NUP153: variants seen among roughly 807,000 people sequenced by gnomAD.
NUP153 encodes nuclear pore complex protein Nup153.
NUP153 carries 27 observed loss-of-function variants against 134.6 expected under a neutral mutation model. The observed-to-expected ratio is 0.20, with a 90% CI of 0.15 to 0.28. The LOEUF (loss-of-function observed/expected upper bound fraction) is 0.28. NUP153 is among the 10% of genes least tolerant of loss of function. NUP153 has a pLI of 1.00. For synonymous variants in NUP153, 640 were observed against 623.5 expected, an observed-to-expected ratio of 1.03 and a Z score of -0.40; for missense variants, 1,821 against 1,731.3, an observed-to-expected ratio of 1.05 and a Z score of -0.92.
intron 11 of NUP153, among the ~76,000 whole-genome samples, chr6:17,659,592 C>T (rs1767056885): frequency 6.6e-6 from 1 of 152,154 alleles, no homozygotes; most frequent in African/African-American, 2.4e-5. Context: ...CCTGCCTCAG[C>T]CTCCCGAGTA....
At chr6:17,656,484 C>G (rs1310771763) in intron 11 of NUP153, among the ~76,000 whole-genome samples, 1 of 152,076 alleles carries the variant, frequency 6.6e-6, no homozygotes, top group Non-Finnish European at 1.5e-5. Flanking sequence ...GGGTGATCCT[C>G]CCACTTCAGC....
intron 1 of NUP153, among the ~76,000 whole-genome samples, chr6:17,704,136 C>CA (rs1770306782): frequency 6.6e-6 from 1 of 152,072 alleles, no homozygotes; most frequent in Admixed American, 6.6e-5. Context: ...ACTAAAAATA[C>CA]AAAAAATTAG....
intron 10 of NUP153, 34 bp downstream of exon 10, chr6:17,661,984 T>G: frequency 6.8e-7 from 1 of 1,464,388 alleles, no homozygotes; most frequent in Non-Finnish European, 9.5e-7. Context: ...AAGTTAAATA[T>G]AAAGAAGTAT....
At chr6:17,695,761 A>G (rs1318963468) in intron 1 of NUP153, among the ~76,000 whole-genome samples, 2 of 152,016 alleles carry the variant, frequency 1.3e-5, no homozygotes, top group Non-Finnish European at 2.9e-5. Context: ...TGTAATCCCA[A>G]CACTTTAGGA....
At chr6:17,666,412 G>A (rs146794318) in intron 8 of NUP153, among the ~76,000 whole-genome samples, 1 of 152,120 alleles carries the variant, frequency 6.6e-6, no homozygotes, top group African/African-American at 2.4e-5. Context: ...CTATTCAGGA[G>A]GCTGAGGCAG....
At chr6:17,627,381 GTTAATT>G (rs1764997233) in intron 18 of NUP153, among the ~76,000 whole-genome samples, 1 of 152,120 alleles carries the variant, frequency 6.6e-6, no homozygotes, top group African/African-American at 2.4e-5. Flanking sequence ...CTTTTTAAAG[GTTAATT>G]TTGAGTGTTT....
At chr6:17,626,191 C>T (rs147136905) in intron 18 of NUP153, 27 bp from the exon 19 acceptor site, 94 of 1,551,268 alleles carry the variant, frequency 6.1e-5, no homozygotes, top group Admixed American at 4.5e-4. Flanking sequence ...AAGAAACAAA[C>T]ATAAATCCTT....
intron 5 of NUP153, among the ~76,000 whole-genome samples, chr6:17,669,996 G>A (rs1166500468): frequency 6.6e-6 from 1 of 150,516 alleles, no homozygotes; most frequent in East Asian, 2.0e-4. Context: ...TCGAGAGGCT[G>A]AGGCAGGAGA....
Position 17,637,230 on chromosome 6 carries a change from G to C in NUP153, c.2387C>G (p.Ser796Cys). 6.2e-7 allele frequency: 1 copy of C among 1,614,106 alleles called. No individual in the cohort carries two copies. The highest frequency in any genetic ancestry group is 8.5e-7 in the Non-Finnish European group (1 of 1,179,988). ...FGDKFKRPIGSWECSVCCVSN... is the reference protein window; with the variant it reads ...FGDKFKRPIGCWECSVCCVSN... The stretch of plus-strand genomic sequence containing the variant: ...AACACAGCATACTGAACACTCCCAA[G>C]ATCCAATGGGCCTTTTGAATTTATC... Residue 796 changes from serine (S) to cysteine (C), a missense_variant, in exon 16 of 22, where the codon TCT becomes TGT. Physicochemically the swap from Ser to Cys is moderately radical, Grantham distance 112. Coordinates refer to ENST00000262077, the MANE Select transcript of NUP153 (RefSeq NM_005124.4).
At chr6:17,670,807 T>G (rs1021756622) in intron 5 of NUP153, among the ~76,000 whole-genome samples, 1 of 151,960 alleles carries the variant, frequency 6.6e-6, no homozygotes, top group Non-Finnish European at 1.5e-5. Flanking sequence ...ATCCCATTAA[T>G]TTTTTATTTT....
At chr6:17,652,746 G>T (rs1766575153) in intron 11 of NUP153, among the ~76,000 whole-genome samples, 1 of 152,166 alleles carries the variant, frequency 6.6e-6, no homozygotes, top group South Asian at 2.1e-4. Context: ...CAGCTGGCTG[G>T]GTGCGGTGGC....
At chr6:17,649,402 G>A (rs1766391402) in intron 11 of NUP153, 102 bp from the exon 12 acceptor site, 1 of 1,098,298 alleles carries the variant, frequency 9.1e-7, no homozygotes, top group African/African-American at 1.6e-5. Flanking sequence ...ATGGTACCAT[G>A]TAGTGTTAAC....
chr6:17,632,988 AAT>A lies in NUP153; in HGVS notation c.2465-146_2465-145del, dbSNP rs1408021183. ...CTATTAAAACACAGAATGTGCCAGA[AAT>A]AGACAACTGTTCATATTTACATTGT... On this transcript the variant is annotated intron_variant, in intron 16 of 21. Coordinates refer to ENST00000262077, the MANE Select transcript of NUP153 (RefSeq NM_005124.4). The A allele has an allele frequency of 6.7e-6, 4 of 592,610 alleles. No individual in the cohort carries two copies. The African/African-American group carries it at 7.5e-5, about 11-fold the overall frequency. 36.7% of individuals were successfully genotyped at this position (592,610 alleles called of 1,614,324 possible).
chr6:17,669,815 C>T (rs1420808854), intron 5 of NUP153, among the ~76,000 whole-genome samples: 1 of 151,856 alleles, frequency 6.6e-6, no homozygotes, highest in Non-Finnish European at 1.5e-5. Flanking sequence ...AAGTATGGGC[C>T]GGGCATGGTG....
intron 1 of NUP153, among the ~76,000 whole-genome samples, chr6:17,698,445 T>C (rs1038148963): frequency 2.0e-5 from 3 of 151,878 alleles, no homozygotes; most frequent in Admixed American, 1.3e-4. Context: ...AATACAAAAA[T>C]TAGCTGGGAG....
At position 17,681,272 on chromosome 6, in the gene NUP153, G is replaced by A. The variant is rs529552990; in HGVS notation, c.335-5502C>T. On this transcript the variant is annotated intron_variant, in intron 2 of 21. Transcript: ENST00000262077. ...ACAGAATAGAATGACGAATACCAGTGGGCAACTCATGGAGACAGAGAATAG... is the reference window on the plus strand; with the variant it reads ...ACAGAATAGAATGACGAATACCAGTAGGCAACTCATGGAGACAGAGAATAG... Among the ~76,000 whole-genome samples, 14 of 152,098 alleles carry A rather than the reference G, an allele frequency of 9.2e-5. No homozygotes were observed. The South Asian group carries it at 2.7e-3, about 29-fold the overall frequency.
chr6:17,675,755 C>G lies in NUP153; in HGVS notation c.350G>C (p.Ser117Thr), dbSNP rs751574128. The G allele has an allele frequency of 2.5e-6, 4 of 1,613,520 alleles. No individual in the cohort carries two copies. The Admixed American group carries it at 6.7e-5, about 27-fold the overall frequency. The change falls in exon 3 of 22, where the codon AGT becomes ACT. Residue 117 changes from serine (S) to threonine (T), a missense_variant. Ser to Thr is a moderately conservative substitution (Grantham distance 58, BLOSUM62 1). Transcript: ENST00000262077. This position sits in a 1 kb window ranked among gnomAD's most constrained non-coding sequence, Gnocchi z 4.4. ...CACATCTGGATAATTTGAAGCAGTACTAGTTGTTGAAGGTTCTTAAAAGAA... is the reference window on the plus strand; with the variant it reads ...CACATCTGGATAATTTGAAGCAGTAGTAGTTGTTGAAGGTTCTTAAAAGAA... ...VSNTEEPSTT[S>T]TASNYPDVLT... is the part of the protein sequence containing the mutation.
chr6:17,668,833 A>G (rs916251563), intron 8 of NUP153, 142 bp downstream of exon 8: 3 of 571,684 alleles, frequency 5.2e-6, no homozygotes, highest in Admixed American at 7.5e-5. Flanking sequence ...ACAGAGCGAG[A>G]CTGAGACTCA....
intron 1 of NUP153, among the ~76,000 whole-genome samples, chr6:17,695,135 A>G (rs540969098): frequency 2.0e-5 from 3 of 152,348 alleles, no homozygotes; most frequent in Admixed American, 2.0e-4. Flanking sequence ...AAATAGCTTT[A>G]AATCTCACAA....
Sources: gnomAD v4.1 joint callset for allele counts (sites outside exome capture counted in the v4.1 genomes callset) on GRCh38, gnomAD v4.1.1 for gene constraint, Gnocchi (gnomAD v3.1) non-coding constraint, MANE v1.5 for transcripts, NCBI Gene and HGNC (gene_info 2026-07-23, HGNC 2026-07-21) for gene names.